Variants in CERK observed in about 807,000 individuals in gnomAD.
The protein encoded by CERK is acylsphingosine kinase.
A neutral mutation model predicts 63.4 loss-of-function variants in CERK; 39 were observed. The ratio of observed to expected loss-of-function variants is 0.61; its 90% CI spans 0.48 to 0.80. CERK has a LOEUF of 0.80. Ranked by LOEUF, CERK falls within the 30% of genes least tolerant of loss-of-function variation. The pLI is 0.00. For missense variants in CERK, 670 were observed against 714.1 expected (o/e 0.94, Z 0.70); for synonymous variants, 302 against 280.0 (o/e 1.08, Z -0.78).
intron 5 of CERK, among the ~76,000 whole-genome samples, chr22:46,710,073 G>A (rs771941254): frequency 1.1e-4 from 16 of 152,152 alleles, no homozygotes; most frequent in Non-Finnish European, 1.8e-4. Flanking sequence ...AATTAGCAGA[G>A]AAATTTTATA....
intron 1 of CERK, 33 bp from the exon 2 acceptor site, chr22:46,721,048 T>C: frequency 1.5e-6 from 2 of 1,375,270 alleles, no homozygotes; most frequent in African/African-American, 2.9e-5. Flanking sequence ...TGTCAAAGAA[T>C]TCGTCAGAAT....
chr22:46,698,022 G>T lies in CERK; in HGVS notation c.943+1291C>A, dbSNP rs571750890. Among the ~76,000 whole-genome samples the T allele has an allele frequency of 2.0e-5, 3 of 152,314 alleles. No individual in the cohort carries two copies. The South Asian group carries it at 6.2e-4, about 32-fold the overall frequency. On this transcript the variant is annotated intron_variant, in intron 8 of 12. Transcript: ENST00000216264. Reference sequence around the variant, plus strand: ...GGAGCCTGGAGGACCTGCATGTTCCGAAGCCCACCCAGACCTGCCGTGTTG... The same window carrying T: ...GGAGCCTGGAGGACCTGCATGTTCCTAAGCCCACCCAGACCTGCCGTGTTG...
intron 3 of CERK, among the ~76,000 whole-genome samples, chr22:46,719,702 C>T (rs1366354380): frequency 6.6e-6 from 1 of 152,160 alleles, no homozygotes; most frequent in African/African-American, 2.4e-5. Context: ...AGAAAAAAGA[C>T]ATGGACGCAT....
chr22:46,711,176 T>C (rs2082839268), intron 4 of CERK, 27 bp from the exon 5 acceptor site: 1 of 1,568,260 alleles, frequency 6.4e-7, no homozygotes, highest in East Asian at 2.2e-5. Flanking sequence ...CATCACACAG[T>C]TTATATTCAC....
In CERK at chr22:46,711,962, G is replaced by T. The variant is rs371980737; in HGVS notation, c.505+206C>A. Among the ~76,000 whole-genome samples, 15 of 152,216 alleles carry T rather than the reference G, an allele frequency of 9.9e-5. No individual in the cohort carries two copies. In the South Asian group the frequency reaches 3.1e-3, roughly 32 times the overall value. On this transcript the variant is annotated intron_variant, in intron 4 of 12. Transcript: ENST00000216264. ...AATTAGCCAGGCATGGTGGCACAAG[G>T]TGTGGTGCCAGCTACTTGGGAGGCT...
intron 1 of CERK, among the ~76,000 whole-genome samples, chr22:46,728,105 C>G (rs954276385): frequency 2.6e-5 from 4 of 152,270 alleles, no homozygotes; most frequent in African/African-American, 7.2e-5. Context: ...TAATCCTAGA[C>G]CTGCTTAGAC....
intron 5 of CERK, among the ~76,000 whole-genome samples, chr22:46,709,233 C>T (rs1171239507): frequency 6.6e-6 from 1 of 152,234 alleles, no homozygotes; most frequent in African/African-American, 2.4e-5. Context: ...GCCTCCCAGC[C>T]TCCTGCACGG....
chr22:46,702,727 G>A (rs1324076419), intron 6 of CERK, among the ~76,000 whole-genome samples: 4 of 152,260 alleles, frequency 2.6e-5, no homozygotes, highest in Non-Finnish European at 5.9e-5. Context: ...GGCCGGCTGC[G>A]GCTTATGCAT....
rs562277046 is a variant in CERK, at chr22:46,686,651, C to T, written c.*483G>A. On this transcript the variant is annotated 3_prime_UTR_variant, in exon 13 of 13. Coordinates refer to ENST00000216264, the MANE Select transcript of CERK (RefSeq NM_022766.6). ...CAAGCAGCGATGTCCTAACCGTAAA[C>T]GAAGAGGAAGGTGAAATGAAGGCAA... 5.8e-6 allele frequency: 1 copy of T among 171,282 alleles called. No homozygotes were observed. The highest frequency in any genetic ancestry group is 1.3e-4 in the South Asian group (1 of 7,806). The allele number at this position is 171,282 out of a possible 1,614,324, so 10.6% of individuals were successfully genotyped here. A position where few individuals can be genotyped will look rare whatever the true frequency, so the allele number is the denominator to read the frequency against.
intron 1 of CERK, among the ~76,000 whole-genome samples, chr22:46,721,835 C>T (rs1243497202): frequency 3.3e-5 from 5 of 152,124 alleles, no homozygotes; most frequent in Admixed American, 1.3e-4. Context: ...ATGACAGCAC[C>T]GGACATGCTC....
intron 1 of CERK, among the ~76,000 whole-genome samples, chr22:46,731,254 C>G (rs939517510): frequency 2.6e-5 from 4 of 152,252 alleles, no homozygotes; most frequent in African/African-American, 9.6e-5. Flanking sequence ...GGTGGGGAGA[C>G]AGGGCTTTCA....
At chr22:46,698,545 C>A (rs967474512) in intron 8 of CERK, among the ~76,000 whole-genome samples, 2 of 152,206 alleles carry the variant, frequency 1.3e-5, no homozygotes, top group African/African-American at 4.8e-5. Flanking sequence ...GGCTGAATTT[C>A]TGCACAAAGT....
intron 6 of CERK, among the ~76,000 whole-genome samples, chr22:46,702,930 C>T (rs777295847): frequency 2.0e-5 from 3 of 152,236 alleles, no homozygotes; most frequent in Admixed American, 1.3e-4. Context: ...TCCTCATCCA[C>T]CCGGCCAGCA....
chr22:46,695,200 A>G lies in CERK; in HGVS notation c.1049+10T>C, dbSNP rs1240172566. On this transcript the variant is annotated intron_variant, in intron 9 of 12. Coordinates refer to ENST00000216264, the MANE Select transcript of CERK (RefSeq NM_022766.6). Reference sequence around the variant, plus strand: ...ATTTGCAAGAGAAACACACAAAGCAATGCACTTACCCTGCCCGGCAGGGCT... The same window carrying G: ...ATTTGCAAGAGAAACACACAAAGCAGTGCACTTACCCTGCCCGGCAGGGCT... 10 of 1,374,176 alleles carry G rather than the reference A, an allele frequency of 7.3e-6. No homozygotes were observed. In the East Asian group the frequency reaches 2.3e-4, roughly 31 times the overall value. The allele number at this position is 1,374,176 out of a possible 1,614,324, so 85.1% of individuals were successfully genotyped here. A position where few individuals can be genotyped will look rare whatever the true frequency, so the allele number is the denominator to read the frequency against.
chr22:46,689,948 G>C (rs2082721414), intron 12 of CERK, 44 bp downstream of exon 12: 1 of 1,494,312 alleles, frequency 6.7e-7, no homozygotes, highest in Non-Finnish European at 9.0e-7. Context: ...ACACCTCAGG[G>C]CTCAAGGGGA....
At chr22:46,691,136 G>GTGATCTCAGCTC (rs2082729592) in intron 11 of CERK, among the ~76,000 whole-genome samples, 1 of 152,028 alleles carries the variant, frequency 6.6e-6, no homozygotes, top group Non-Finnish European at 1.5e-5. Flanking sequence ...GTGCAGTTGC[G>GTGATCTCAGCTC]TGATCTCAGC....
intron 8 of CERK, among the ~76,000 whole-genome samples, chr22:46,695,662 C>G (rs906871932): frequency 6.6e-6 from 1 of 152,240 alleles, no homozygotes; most frequent in East Asian, 1.9e-4. Flanking sequence ...TCCAGTGGCT[C>G]AGGGTCATCC....
intron 1 of CERK, among the ~76,000 whole-genome samples, chr22:46,727,901 G>A (rs1167511293): frequency 6.6e-6 from 1 of 151,906 alleles, no homozygotes; most frequent in Non-Finnish European, 1.5e-5. Flanking sequence ...AGGAGGCCTG[G>A]ACCTGAGGAT....
At chr22:46,708,641 G>A (rs2082825554) in intron 5 of CERK, among the ~76,000 whole-genome samples, 1 of 152,186 alleles carries the variant, frequency 6.6e-6, no homozygotes, top group Non-Finnish European at 1.5e-5. Context: ...AGAAAGGACG[G>A]GTTGGTTTCA....
Sources: allele counts gnomAD v4.1 joint callset (sites outside exome capture counted in the v4.1 genomes callset), GRCh38; gene constraint gnomAD v4.1.1; transcripts MANE v1.5; gene names NCBI Gene and HGNC (gene_info 2026-07-23, HGNC 2026-07-21).